SYNDIG1L: variants seen among roughly 807,000 people sequenced by gnomAD.
SYNDIG1L encodes synapse differentiation-inducing gene protein 1-like.
In SYNDIG1L, 13 loss-of-function variants were observed where a neutral mutation model predicts 20.1. The observed-to-expected ratio is 0.65, with a 90% confidence interval of 0.42 to 1.03. The LOEUF is 1.03. Among genes scored for constraint, SYNDIG1L ranks in the 50% least tolerant of loss-of-function variants. SYNDIG1L has a pLI of 0.00. For missense variants in SYNDIG1L, 294 were observed against 305.1 expected, an observed-to-expected ratio of 0.96 and a Z score of 0.27; for synonymous variants, 128 against 129.3, an observed-to-expected ratio of 0.99 and a Z score of 0.07.
At chr14:74,469,378 G>T in the SYNDIG1L span, among the ~76,000 whole-genome samples, 1 of 118,030 alleles carries the variant, frequency 8.5e-6, no homozygotes, top group African/African-American at 3.2e-5. Context: ...CGTGGGGCGG[G>T]GGGAGGGGGG....
At chr14:74,474,788 G>A in the SYNDIG1L span, 1 of 152,382 alleles carries the variant, frequency 6.6e-6, no homozygotes, top group Non-Finnish European at 1.5e-5. Context: ...TCAGGAGAAT[G>A]AAACCTAGCC....
At chr14:74,411,932 T>C (rs1250473968) in intron 1 of SYNDIG1L, among the ~76,000 whole-genome samples, 1 of 152,184 alleles carries the variant, frequency 6.6e-6, no homozygotes, top group Non-Finnish European at 1.5e-5. Flanking sequence ...GGTCCGGAGA[T>C]GCTGGGCTGC....
Position 74,407,394 on chromosome 14 carries a change from G to T in SYNDIG1L, c.*141C>A. On this transcript the variant is annotated 3_prime_UTR_variant, in exon 4 of 4. Coordinates refer to ENST00000331628, the MANE Select transcript of SYNDIG1L (RefSeq NM_001105579.2). ...AAGTGAAGGCTGAGCTCTGCAGGCT[G>T]TGGAATGGGGGTCTCCCCCTCAGCA... 8.3e-7 allele frequency: 1 copy of T among 1,207,350 alleles called. No individual in the cohort carries two copies. Among genetic ancestry groups the T allele is most frequent in the Non-Finnish European group, 1.2e-6 (1 of 865,938 alleles). The allele number at this position is 1,207,350 out of a possible 1,614,324, so 74.8% of individuals were successfully genotyped here. A position where few individuals can be genotyped will look rare whatever the true frequency, so the allele number is the denominator to read the frequency against.
At chr14:74,463,968 A>G in the SYNDIG1L span, among the ~76,000 whole-genome samples, 1 of 152,166 alleles carries the variant, frequency 6.6e-6, no homozygotes, top group Non-Finnish European at 1.5e-5. Flanking sequence ...AAGCCTCAGG[A>G]TCTACACTGC....
intron 3 of SYNDIG1L, 35 bp downstream of exon 3, chr14:74,407,814 G>A (rs771715287): frequency 1.3e-6 from 2 of 1,596,782 alleles, no homozygotes; most frequent in Non-Finnish European, 1.7e-6. Context: ...AGAGTGACGG[G>A]CCAGAGAAGG....
At chr14:74,459,760 G>A in the SYNDIG1L span, among the ~76,000 whole-genome samples, 1 of 152,164 alleles carries the variant, frequency 6.6e-6, no homozygotes, top group African/African-American at 2.4e-5. Context: ...AGCCACCAGA[G>A]GCCACTGCTA....
chr14:74,447,056 C>T, the SYNDIG1L span, among the ~76,000 whole-genome samples: 32 of 152,206 alleles, frequency 2.1e-4, no homozygotes, highest in Non-Finnish European at 4.4e-4. Flanking sequence ...GCATGGGCAA[C>T]ATATTGAGAC....
intron 1 of SYNDIG1L, among the ~76,000 whole-genome samples, chr14:74,420,551 G>A (rs1000381300): frequency 6.6e-6 from 1 of 152,130 alleles, no homozygotes; most frequent in Non-Finnish European, 1.5e-5. Flanking sequence ...AGAGGAAGAC[G>A]ACAAAAGTGA....
Position 74,407,963 on chromosome 14 carries a change from T to G in SYNDIG1L, c.444A>C (p.Glu148Asp). Residue 148 changes from glutamate (E) to aspartate (D), a missense_variant, in exon 3 of 4, where the codon GAA becomes GAC. Physicochemically the swap from Glu to Asp is conservative, Grantham distance 45. Coordinates refer to ENST00000331628, the MANE Select transcript of SYNDIG1L (RefSeq NM_001105579.2). ...EESDATSTES[E>D]SEDNFLTLPP... ...GCAGCGTGAGGAAGTTGTCTTCACT[T>G]TCACTCTCCGTTGAAGTGGCATCGC... 1 of 1,613,060 alleles carries G rather than the reference T, an allele frequency of 6.2e-7. No individual in the cohort carries two copies. The highest frequency in any genetic ancestry group is 8.5e-7 in the Non-Finnish European group (1 of 1,179,472).
At chr14:74,427,572 CA>C, upstream of SYNDIG1L, among the ~76,000 whole-genome samples, 1 of 152,288 alleles carries the variant, frequency 6.6e-6, no homozygotes, top group Non-Finnish European at 1.5e-5. Context: ...GGGTCTGTCT[CA>C]GGGCTGGTAT....
chr14:74,465,133 C>T, the SYNDIG1L span, among the ~76,000 whole-genome samples: 1 of 152,160 alleles, frequency 6.6e-6, no homozygotes, highest in South Asian at 2.1e-4. Flanking sequence ...TGGAGGGCTT[C>T]GGATGGTGTC....
At chr14:74,469,003 G>A in the SYNDIG1L span, among the ~76,000 whole-genome samples, 136 of 152,198 alleles carry the variant, frequency 8.9e-4, no homozygotes, top group African/African-American at 3.1e-3. Flanking sequence ...GTGTCTGTGC[G>A]TCCTGTCAAG....
the SYNDIG1L span, among the ~76,000 whole-genome samples, chr14:74,434,580 C>A: frequency 9.9e-5 from 15 of 151,674 alleles, no homozygotes; most frequent in Non-Finnish European, 1.6e-4. Flanking sequence ...TCAAGGCAAG[C>A]TGGAACATCC....
the SYNDIG1L span, chr14:74,472,299 T>C: frequency 1.3e-5 from 2 of 152,378 alleles, no homozygotes; most frequent in South Asian, 4.1e-4. Flanking sequence ...TTTTACCTTC[T>C]TTCTGCACAT....
rs748422667 is a variant in SYNDIG1L, at chr14:74,409,607, A to G, written c.138T>C (p.Ala46=). The part of the protein sequence containing the change: ...EKLYSYLLGG[A]GPAGAHQLLD... ...GGAGCTGGTGGGCTCCGGCAGGCCC[A>G]GCGCCACCTAGGAGGTAGGAGTAGA... Residue 46 remains alanine, a synonymous_variant, in exon 2 of 4, where the codon GCT becomes GCC. Transcript: ENST00000331628. The G allele has an allele frequency of 2.7e-5, 41 of 1,510,180 alleles. 1 individual carries two copies. In the South Asian group the frequency reaches 5.6e-4, roughly 20 times the overall value. 93.5% of individuals were successfully genotyped at this position (1,510,180 alleles called of 1,614,324 possible).
At chr14:74,421,970 G>A (rs1234687667) in intron 1 of SYNDIG1L, among the ~76,000 whole-genome samples, 3 of 152,194 alleles carry the variant, frequency 2.0e-5, no homozygotes, top group Non-Finnish European at 2.9e-5. Context: ...CACCTGCTTG[G>A]CAGATGGGCT....
At chr14:74,448,442 A>G in the SYNDIG1L span, among the ~76,000 whole-genome samples, 1 of 152,210 alleles carries the variant, frequency 6.6e-6, no homozygotes, top group Non-Finnish European at 1.5e-5. Context: ...AATCAAGAGA[A>G]CATAACAATC....
At chr14:74,455,174 C>T in the SYNDIG1L span, among the ~76,000 whole-genome samples, 1,049 of 152,316 alleles carry the variant, frequency 6.9e-3, 6 homozygotes, top group Non-Finnish European at 0.012. Context: ...TTCACAACCA[C>T]GTGAACCAAT....
At position 74,406,372 on chromosome 14, in the gene SYNDIG1L, C is replaced by G; in HGVS notation, c.*1163G>C. On this transcript the variant is annotated 3_prime_UTR_variant, in exon 4 of 4. Coordinates refer to ENST00000331628, the MANE Select transcript of SYNDIG1L (RefSeq NM_001105579.2). Reference sequence around the variant, plus strand: ...CCTTAGGAATGGCTGTAGTTTGGCTCCAGCCCAGATGTTCCAGGCAGAATC... The same window carrying G: ...CCTTAGGAATGGCTGTAGTTTGGCTGCAGCCCAGATGTTCCAGGCAGAATC... The G allele has an allele frequency of 9.8e-6, 3 of 306,276 alleles. No homozygotes were observed. The highest frequency in any genetic ancestry group is 1.8e-5 in the Non-Finnish European group (3 of 167,456). 19.0% of individuals were successfully genotyped at this position (306,276 alleles called of 1,614,324 possible).
Sources: allele counts gnomAD v4.1 joint callset (sites outside exome capture counted in the v4.1 genomes callset), GRCh38; gene constraint gnomAD v4.1.1; transcripts MANE v1.5; gene names NCBI Gene and HGNC (gene_info 2026-07-23, HGNC 2026-07-21).